The following ST6GAL2 variants were observed in gnomAD, a reference collection of about 807,000 sequenced individuals.
The protein encoded by ST6GAL2 is beta-galactoside alpha-2,6-sialyltransferase 2.
A neutral mutation model predicts 37.5 loss-of-function variants in ST6GAL2; 24 were observed. That is an observed-to-expected ratio of 0.64 (90% CI 0.46 to 0.90). The LOEUF is 0.90. Ranked by LOEUF, ST6GAL2 falls within the 40% of genes least tolerant of loss-of-function variation. ST6GAL2 has a pLI of 0.00. For synonymous variants in ST6GAL2, 306 were observed against 295.1 expected, an observed-to-expected ratio of 1.04 and a Z score of -0.38; for missense variants, 715 against 712.7, an observed-to-expected ratio of 1.00 and a Z score of -0.04.
At chr2:106,849,663 A>C (rs1677279964) in intron 1 of ST6GAL2, among the ~76,000 whole-genome samples, 2 of 152,256 alleles carry the variant, frequency 1.3e-5, no homozygotes, top group South Asian at 4.2e-4. Context: ...TAACACCTTT[A>C]AGTTCCCAAA....
chr2:106,879,534 C>T (rs1182999550), intron 1 of ST6GAL2, among the ~76,000 whole-genome samples: 2 of 151,994 alleles, frequency 1.3e-5, no homozygotes, highest in South Asian at 2.1e-4. Context: ...TAATTTTGAA[C>T]ATCAGGCAGA....
chr2:106,818,310 G>A (rs545801117), intron 5 of ST6GAL2, among the ~76,000 whole-genome samples: 8 of 151,594 alleles, frequency 5.3e-5, no homozygotes, highest in African/African-American at 2.0e-4. Context: ...TACAGTCCCA[G>A]TGATGGTGGT....
At chr2:106,862,625 A>G (rs1040569041) in intron 1 of ST6GAL2, among the ~76,000 whole-genome samples, 2 of 119,650 alleles carry the variant, frequency 1.7e-5, no homozygotes, top group South Asian at 2.6e-4. Context: ...TTATGTGAAG[A>G]AAAAAAAAAA....
chr2:106,869,718 C>T (rs1678183216), intron 1 of ST6GAL2, among the ~76,000 whole-genome samples: 1 of 152,190 alleles, frequency 6.6e-6, no homozygotes, highest in Admixed American at 6.5e-5. Flanking sequence ...GATAGGGAGG[C>T]TCACACACAA....
At chr2:106,864,108 A>G (rs1342389918) in intron 1 of ST6GAL2, among the ~76,000 whole-genome samples, 1 of 152,230 alleles carries the variant, frequency 6.6e-6, no homozygotes, top group Non-Finnish European at 1.5e-5. Flanking sequence ...GGGCAACCGC[A>G]TTCCACAGAA....
chr2:106,844,790 TG>T (rs923506628), intron 1 of ST6GAL2, among the ~76,000 whole-genome samples: 14 of 152,180 alleles, frequency 9.2e-5, no homozygotes, highest in Non-Finnish European at 1.9e-4. Context: ...GAGAGCTTGC[TG>T]ATTCTAGATG....
intron 2 of ST6GAL2, among the ~76,000 whole-genome samples, chr2:106,839,639 C>T (rs1448306208): frequency 6.6e-6 from 1 of 152,146 alleles, no homozygotes; most frequent in Non-Finnish European, 1.5e-5. Flanking sequence ...CTATGCATCC[C>T]ACCCCCAGTC....
chr2:106,817,130 C>T (rs917751119), intron 5 of ST6GAL2, among the ~76,000 whole-genome samples: 2 of 152,342 alleles, frequency 1.3e-5, no homozygotes, highest in South Asian at 2.1e-4. Context: ...TAAACATCAA[C>T]GGCAGTCTAG....
intron 5 of ST6GAL2, chr2:106,822,876 T>C (rs1296459346): frequency 6.6e-6 from 1 of 152,200 alleles, no homozygotes; most frequent in Non-Finnish European, 1.5e-5. Flanking sequence ...CATAGTTTAA[T>C]TTCATATTAA....
intron 1 of ST6GAL2, among the ~76,000 whole-genome samples, chr2:106,880,733 A>G (rs1026554068): frequency 1.3e-5 from 2 of 151,602 alleles, no homozygotes; most frequent in African/African-American, 4.8e-5. Context: ...TAGGAAAAAG[A>G]ATGTTCTTCC....
At position 106,843,502 on chromosome 2, in the gene ST6GAL2, C is replaced by T. The variant is rs754872937; in HGVS notation, c.476G>A (p.Arg159Gln). 6.8e-6 allele frequency: 11 copies of T among 1,613,942 alleles called. No homozygotes were observed. Among genetic ancestry groups the T allele is most frequent in the East Asian group, 4.5e-5 (2 of 44,876 alleles). The stretch of plus-strand genomic sequence containing the variant: ...CTGTGCAGCCGGAAAAGCCCCCTCC[C>T]GTGGGCCTGGCTCCCCGGGGGAAGG... ...GFPSPGEPGP[R>Q]EGAFPAAQVQ... Residue 159 changes from arginine (R) to glutamine (Q), a missense_variant, in exon 2 of 6, where the codon CGG becomes CAG. Arg to Gln is a conservative substitution (Grantham distance 43). Around this residue, in one of 3 missense-constraint regions of ST6GAL2, gnomAD observed 512 missense variants for 488.8 expected, o/e 1.05. Transcript: ENST00000409382.
In ST6GAL2 at chr2:106,844,474, A is replaced by G. The variant is rs547013528; in HGVS notation, c.-57-440T>C. Among the ~76,000 whole-genome samples the G allele has an allele frequency of 4.1e-3, 626 of 152,266 alleles. 6 individuals are homozygous for G. The highest frequency in any genetic ancestry group is 0.014 in the African/African-American group (597 of 41,560). On this transcript the variant is annotated intron_variant, in intron 1 of 5. Coordinates refer to ENST00000409382, the MANE Select transcript of ST6GAL2 (RefSeq NM_001142351.2). ...GCCCCTTTTGTCTGCCTATCAGACC[A>G]CCGAAAGCTCAGAGCTCATAGATTT... is the stretch of plus-strand genomic sequence containing the variant.
intron 2 of ST6GAL2, 90 bp from the exon 3 acceptor site, chr2:106,834,236 G>A: frequency 1.2e-6 from 1 of 847,156 alleles, no homozygotes; most frequent in South Asian, 1.5e-5. Context: ...TTCAATACCT[G>A]AAGCTAATTA....
At chr2:106,824,471 G>A (rs1190195801) in intron 5 of ST6GAL2, among the ~76,000 whole-genome samples, 2 of 151,952 alleles carry the variant, frequency 1.3e-5, no homozygotes, top group Admixed American at 6.6e-5. Flanking sequence ...TCTCTACTAA[G>A]AATACAAAAA....
At chr2:106,837,524 C>T (rs928664714) in intron 2 of ST6GAL2, among the ~76,000 whole-genome samples, 8 of 152,180 alleles carry the variant, frequency 5.3e-5, no homozygotes. Context: ...TCACTGTTCC[C>T]ACTGCTAAGC....
chr2:106,842,840 C>T (rs1676948570), intron 2 of ST6GAL2, among the ~76,000 whole-genome samples, 195 bp downstream of exon 2: 1 of 152,184 alleles, frequency 6.6e-6, no homozygotes, highest in Admixed American at 6.5e-5. Flanking sequence ...AGTACTTCTG[C>T]TGTGACCCCA....
At chr2:106,844,979 A>G (rs961768430) in intron 1 of ST6GAL2, among the ~76,000 whole-genome samples, 1 of 152,230 alleles carries the variant, frequency 6.6e-6, no homozygotes, top group Non-Finnish European at 1.5e-5. Flanking sequence ...TAACTTCAGG[A>G]ACTTAAGCAA....
intron 5 of ST6GAL2, 89 bp from the exon 6 acceptor site, chr2:106,807,038 A>G (rs1427411977): frequency 1.8e-5 from 20 of 1,101,848 alleles, no homozygotes; most frequent in Non-Finnish European, 2.6e-5. Flanking sequence ...GTGATGGGAT[A>G]TGACTGTGGC....
At chr2:106,858,135 C>G (rs1677653939) in intron 1 of ST6GAL2, among the ~76,000 whole-genome samples, 1 of 152,188 alleles carries the variant, frequency 6.6e-6, no homozygotes, top group Non-Finnish European at 1.5e-5. Flanking sequence ...CACATGAGCA[C>G]AGAACTGATC....
Sources: allele counts gnomAD v4.1 joint callset (sites outside exome capture counted in the v4.1 genomes callset), GRCh38; gene constraint gnomAD v4.1.1; regional missense constraint gnomAD v4.1.1; transcripts MANE v1.5; gene names NCBI Gene and HGNC (gene_info 2026-07-23, HGNC 2026-07-21).